DPYS: variants seen among roughly 807,000 people sequenced by gnomAD.
The protein encoded by DPYS is dihydropyrimidine amidohydrolase.
A neutral mutation model predicts 50.3 loss-of-function variants in DPYS; 39 were observed. That is an observed-to-expected ratio of 0.78 (90% CI 0.60 to 1.01). The LOEUF is 1.01. Ranked by LOEUF, DPYS falls within the 50% of genes least tolerant of loss-of-function variation. The pLI is 0.00. For missense variants in DPYS, 659 were observed against 680.9 expected (o/e 0.97, Z 0.36); for synonymous variants, 245 against 250.7 (o/e 0.98, Z 0.22).
chr8:104,410,586 C>G, intron 7 of DPYS, among the ~76,000 whole-genome samples: 2 of 152,228 alleles, frequency 1.3e-5, no homozygotes, highest in South Asian at 4.2e-4. Context: ...ATCTCCAAAG[C>G]CCCTTCTCTT....
At chr8:104,380,006 C>T (rs144331315) in intron 9 of DPYS, among the ~76,000 whole-genome samples, 163 bp from the exon 10 acceptor site, 144 of 152,278 alleles carry the variant, frequency 9.5e-4, no homozygotes, top group Middle Eastern at 3.4e-3. Context: ...ATTCCTTTCT[C>T]TTGCTAATCT....
At chr8:104,423,310 A>G (rs1250338870) in intron 7 of DPYS, among the ~76,000 whole-genome samples, 1 of 152,150 alleles carries the variant, frequency 6.6e-6, no homozygotes, top group Non-Finnish European at 1.5e-5. Context: ...TGTCAAGTGG[A>G]AAAAAACAAG....
At position 104,427,989 on chromosome 8, in the gene DPYS, T is replaced by G. The variant is rs1812791511; in HGVS notation, c.1083A>C (p.Glu361Asp). ...AACCTGTGAAACCCACCACGCCTTT[T>G]TCCCATATTACGGACATCCGATCTT... ...GVEDRMSVIW[E>D]KGVHSGKMDE... Residue 361 changes from glutamate (E) to aspartate (D), a missense_variant, in exon 6 of 10, where the codon GAA (glutamate) becomes GAC (aspartate). Physicochemically the swap from Glu to Asp is conservative, Grantham distance 45. Coordinates refer to ENST00000351513, the MANE Select transcript of DPYS (RefSeq NM_001385.3). The G allele has an allele frequency of 2.5e-6, 4 of 1,614,036 alleles. No individual in the cohort carries two copies. The Admixed American group carries it at 6.7e-5, about 27-fold the overall frequency.
chr8:104,452,888 T>C (rs1361897424), intron 1 of DPYS, among the ~76,000 whole-genome samples: 1 of 152,148 alleles, frequency 6.6e-6, no homozygotes, highest in Non-Finnish European at 1.5e-5. Flanking sequence ...CAGAGTTTGA[T>C]TCATGGTAAG....
rs1342645296 is a variant in DPYS, at chr8:104,379,786, G to A, written c.*72C>T. The stretch of plus-strand genomic sequence containing the variant: ...GTTGAATAAGGCCTGCTTCTCCATG[G>A]GTTGACAATGTTTGGCTGTGAAGGG... On this transcript the variant is annotated 3_prime_UTR_variant, in exon 10 of 10. Coordinates refer to ENST00000351513, the MANE Select transcript of DPYS (RefSeq NM_001385.3). 2.2e-6 allele frequency: 1 copy of A among 456,450 alleles called. No homozygotes were observed. Among genetic ancestry groups the A allele is most frequent in the Non-Finnish European group, 4.4e-6 (1 of 226,932 alleles). The allele number at this position is 456,450 out of a possible 1,614,324, so 28.3% of individuals were successfully genotyped here. A position where few individuals can be genotyped will look rare whatever the true frequency, so the allele number is the denominator to read the frequency against.
At chr8:104,399,881 A>AAAG (rs1811733738) in intron 7 of DPYS, among the ~76,000 whole-genome samples, 1 of 150,974 alleles carries the variant, frequency 6.6e-6, no homozygotes, top group Non-Finnish European at 1.5e-5. Context: ...AAAAAAAAAA[A>AAAG]AAAAAAAAAG....
intron 7 of DPYS, among the ~76,000 whole-genome samples, chr8:104,402,166 G>T (rs1027535265): frequency 6.6e-6 from 1 of 152,198 alleles, no homozygotes; most frequent in African/African-American, 2.4e-5. Flanking sequence ...AGCTGACCTT[G>T]TATGTAGGTA....
chr8:104,465,966 C>CT (rs1375637463), intron 1 of DPYS, among the ~76,000 whole-genome samples: 1 of 151,582 alleles, frequency 6.6e-6, no homozygotes, highest in Non-Finnish European at 1.5e-5. Context: ...AAAGAGCCTG[C>CT]TGCGAGGCTG....
chr8:104,413,368 CTA>C (rs1044599599), intron 7 of DPYS, among the ~76,000 whole-genome samples: 3 of 150,202 alleles, frequency 2.0e-5, no homozygotes, highest in Admixed American at 6.6e-5. Flanking sequence ...AGAAATGCAC[CTA>C]TATATATATA....
At chr8:104,440,302 C>G (rs2669437) in intron 4 of DPYS, among the ~76,000 whole-genome samples, 1 of 150,958 alleles carries the variant, frequency 6.6e-6, no homozygotes, top group Non-Finnish European at 1.5e-5. Context: ...CTCCTTTGTG[C>G]CTCCTGGAGC....
intron 8 of DPYS, among the ~76,000 whole-genome samples, chr8:104,385,864 C>T (rs1389826019): frequency 2.0e-5 from 3 of 152,188 alleles, no homozygotes; most frequent in Non-Finnish European, 4.4e-5. Context: ...CTCTAGATGC[C>T]AGCGCCTCGT....
At chr8:104,391,199 GT>G (rs1365713791) in intron 8 of DPYS, among the ~76,000 whole-genome samples, 1 of 152,036 alleles carries the variant, frequency 6.6e-6, no homozygotes, top group African/African-American at 2.4e-5. Context: ...GAATCCACAA[GT>G]AAAAATTTTT....
At chr8:104,451,928 C>T (rs1225495344) in intron 1 of DPYS, among the ~76,000 whole-genome samples, 1 of 152,154 alleles carries the variant, frequency 6.6e-6, no homozygotes, top group Admixed American at 6.5e-5. Flanking sequence ...TCCACTGCTA[C>T]CACCCTGGTC....
intron 1 of DPYS, among the ~76,000 whole-genome samples, chr8:104,459,056 T>G (rs1814029165): frequency 6.6e-6 from 1 of 152,226 alleles, no homozygotes; most frequent in African/African-American, 2.4e-5. Context: ...TAATACAGTC[T>G]CCCTGTTAGA....
chr8:104,435,248 G>A (rs1356262974), intron 4 of DPYS, among the ~76,000 whole-genome samples: 1 of 152,172 alleles, frequency 6.6e-6, no homozygotes, highest in East Asian at 1.9e-4. Context: ...ACTGAAGTGG[G>A]TGATAGAAGT....
At chr8:104,455,670 G>A (rs139922543) in intron 1 of DPYS, among the ~76,000 whole-genome samples, 1 of 152,236 alleles carries the variant, frequency 6.6e-6, no homozygotes, top group Non-Finnish European at 1.5e-5. Flanking sequence ...TAGAGGTCCC[G>A]AGACTGGCCG....
chr8:104,421,497 A>G (rs1455695039), intron 7 of DPYS: 2 of 152,120 alleles, frequency 1.3e-5, no homozygotes, highest in Non-Finnish European at 2.9e-5. Context: ...AGCCGGGCGT[A>G]GTGGCGGCCG....
In DPYS at chr8:104,466,664, C is replaced by T; in HGVS notation, c.257G>A (p.Gly86Asp). 1 of 1,519,550 alleles carries T rather than the reference C, an allele frequency of 6.6e-7. No individual in the cohort carries two copies. Among genetic ancestry groups the T allele is most frequent in the Non-Finnish European group, 8.8e-7 (1 of 1,136,870 alleles). The allele number at this position is 1,519,550 out of a possible 1,614,324, so 94.1% of individuals were successfully genotyped here. A position where few individuals can be genotyped will look rare whatever the true frequency, so the allele number is the denominator to read the frequency against. Residue 86 changes from glycine (G) to aspartate (D), a missense_variant, in exon 1 of 10, where the codon GGC (glycine) becomes GAC (aspartate). Physicochemically the swap from Gly to Asp is moderately conservative, Grantham distance 94. Coordinates refer to ENST00000351513, the MANE Select transcript of DPYS (RefSeq NM_001385.3). The stretch of plus-strand genomic sequence containing the variant: ...GCGCGGCGGGGCGGGTACCTTGGTG[C>T]CCTGGTGGAAGTCGTCGATGGACCG... ...GSRSIDDFHQ[G>D]TKAALSGGTT...
chr8:104,399,866 CAAAAAA>C (rs57562204), intron 7 of DPYS, among the ~76,000 whole-genome samples: 2 of 52,532 alleles, frequency 3.8e-5, no homozygotes, highest in Admixed American at 3.0e-4. Flanking sequence ...GACTCCGTCT[CAAAAAA>C]AAAAAAAAAA....
Sources: gnomAD v4.1 joint callset for allele counts (sites outside exome capture counted in the v4.1 genomes callset) on GRCh38, gnomAD v4.1.1 for gene constraint, MANE v1.5 for transcripts, NCBI Gene and HGNC (gene_info 2026-07-23, HGNC 2026-07-21) for gene names.